The following ADAMTS16 variants were observed in gnomAD, a reference collection of about 807,000 sequenced individuals.
The protein encoded by ADAMTS16 is ADAM metallopeptidase with thrombospondin type 1 motif 16.
In ADAMTS16, 94 loss-of-function variants were observed where a neutral mutation model predicts 145.8. That is an observed-to-expected ratio of 0.64 (90% CI 0.55 to 0.77). The LOEUF (loss-of-function observed/expected upper bound fraction) is 0.77. ADAMTS16 is among the 30% of genes least tolerant of loss of function. The pLI is 0.00. For synonymous variants in ADAMTS16, 659 were observed against 604.3 expected, an observed-to-expected ratio of 1.09 and a Z score of -1.33; for missense variants, 1,585 against 1,591.5, an observed-to-expected ratio of 1.00 and a Z score of 0.07.
intron 3 of ADAMTS16, among the ~76,000 whole-genome samples, chr5:5,161,872 G>T (rs1052127714): frequency 6.6e-6 from 1 of 152,184 alleles, no homozygotes; most frequent in Non-Finnish European, 1.5e-5. Flanking sequence ...GGCTGGGGCA[G>T]GGGACAGGGA....
intron 3 of ADAMTS16, among the ~76,000 whole-genome samples, chr5:5,154,702 C>A (rs1248248769): frequency 1.3e-5 from 2 of 152,092 alleles, no homozygotes; most frequent in African/African-American, 4.8e-5. Flanking sequence ...CTCTGTCCAG[C>A]GATGTTTTCA....
intron 17 of ADAMTS16, among the ~76,000 whole-genome samples, chr5:5,247,599 G>T (rs965166356): frequency 6.6e-6 from 1 of 152,196 alleles, no homozygotes; most frequent in Non-Finnish European, 1.5e-5. Context: ...CATCAGGGGT[G>T]CCGGGGTCCC....
intron 12 of ADAMTS16, among the ~76,000 whole-genome samples, chr5:5,232,849 C>T (rs1179595844): frequency 1.3e-5 from 2 of 152,032 alleles, no homozygotes; most frequent in Non-Finnish European, 2.9e-5. Flanking sequence ...GTAATCCACC[C>T]GCCGTGACCT....
intron 11 of ADAMTS16, among the ~76,000 whole-genome samples, chr5:5,227,605 C>T (rs1736808098): frequency 6.6e-6 from 1 of 151,846 alleles, no homozygotes; most frequent in Non-Finnish European, 1.5e-5. Context: ...AGTGCTTTCT[C>T]ATCAGATTCT....
chr5:5,223,161 C>T, intron 11 of ADAMTS16: 1 of 428,882 alleles, frequency 2.3e-6, no homozygotes, highest in Non-Finnish European at 4.3e-6. Context: ...TGAGGGGAAA[C>T]ATTAAGCCAT....
At chr5:5,242,763 T>G (rs989126134) in intron 17 of ADAMTS16, among the ~76,000 whole-genome samples, 1 of 152,198 alleles carries the variant, frequency 6.6e-6, no homozygotes, top group Non-Finnish European at 1.5e-5. Flanking sequence ...CTGTAAACAA[T>G]GGAAGCTCAC....
At chr5:5,188,507 T>C (rs548158304) in intron 6 of ADAMTS16, among the ~76,000 whole-genome samples, 2 of 152,310 alleles carry the variant, frequency 1.3e-5, no homozygotes, top group South Asian at 4.1e-4. Flanking sequence ...CAAAATGTTC[T>C]CATTTCCATT....
intron 17 of ADAMTS16, among the ~76,000 whole-genome samples, chr5:5,252,043 G>A (rs1387218687): frequency 1.3e-5 from 2 of 152,208 alleles, no homozygotes; most frequent in East Asian, 1.9e-4. Flanking sequence ...TAGAGACGGG[G>A]TTTCACCGTG....
chr5:5,140,533 C>A lies in ADAMTS16; in HGVS notation c.66C>A (p.Ala22=), dbSNP rs1435028536. ...TGTGGATGCTGTTGGCGCAGGTGGC[C>A]GAGCAGGTGAGTCCCGGGCGCTCCC... ...AALWMLLAQV[A]EQAPACAMGP... The change falls in exon 1 of 23, where the codon GCC becomes GCA. Residue 22 remains alanine, a synonymous_variant. Coordinates refer to ENST00000274181, the MANE Select transcript of ADAMTS16 (RefSeq NM_139056.4). 9 of 1,511,994 alleles carry A rather than the reference C, an allele frequency of 6.0e-6. No homozygotes were observed. The highest frequency in any genetic ancestry group is 2.9e-5 in the African/African-American group (2 of 69,586). The allele number at this position is 1,511,994 out of a possible 1,614,324, so 93.7% of individuals were successfully genotyped here. A position where few individuals can be genotyped will look rare whatever the true frequency, so the allele number is the denominator to read the frequency against.
chr5:5,257,627 C>T lies in ADAMTS16; in HGVS notation c.2663-5030C>T, dbSNP rs1021116489. ...CAAATGTGCATAAAGCTGAGCTAGC[C>T]GGACATGAGCTGTTTTTATTCACAG... On this transcript the variant is annotated intron_variant, in intron 17 of 22. Transcript: ENST00000274181. Among the ~76,000 whole-genome samples the T allele has an allele frequency of 3.3e-5, 5 of 152,206 alleles. No individual in the cohort carries two copies. In the East Asian group the frequency reaches 5.8e-4, roughly 18 times the overall value.
intron 20 of ADAMTS16, among the ~76,000 whole-genome samples, chr5:5,303,995 C>G (rs77517061): frequency 0.012 from 1,779 of 152,310 alleles, 25 homozygotes; most frequent in African/African-American, 0.04. Flanking sequence ...GTCATCATCA[C>G]TGGTCCAGCG....
chr5:5,228,881 G>A (rs189124354), intron 11 of ADAMTS16, among the ~76,000 whole-genome samples: 2 of 152,326 alleles, frequency 1.3e-5, no homozygotes, highest in African/African-American at 4.8e-5. Flanking sequence ...GCTTATACTG[G>A]TCCAAGCAAG....
At chr5:5,312,500 T>C (rs1185295856) in intron 21 of ADAMTS16, among the ~76,000 whole-genome samples, 1 of 150,724 alleles carries the variant, frequency 6.6e-6, no homozygotes, top group Non-Finnish European at 1.5e-5. Context: ...CAGGCTGTAG[T>C]GCAGTGGTGC....
Position 5,286,887 on chromosome 5 carries a change from T to G in ADAMTS16, c.2790-16381T>G. On this transcript the variant is annotated intron_variant, in intron 18 of 22. Transcript: ENST00000274181. ...AAAAAAAAAAAAAAAAAAAAAAGAG[T>G]TTTTATAACCCTTTAGTATGTGCTA... Among the ~76,000 whole-genome samples the G allele has an allele frequency of 1.2e-4, 17 of 143,944 alleles. 3 individuals carry two copies. The highest frequency in any genetic ancestry group is 4.1e-4 in the East Asian group (2 of 4,920). 94.4% of individuals were successfully genotyped at this position (143,944 alleles called of 152,430 possible).
chr5:5,268,030 G>A (rs1193901563), intron 18 of ADAMTS16, among the ~76,000 whole-genome samples: 1 of 152,114 alleles, frequency 6.6e-6, no homozygotes, highest in African/African-American at 2.4e-5. Flanking sequence ...GTGTGGCCTT[G>A]GGGAAGTGGC....
intron 17 of ADAMTS16, among the ~76,000 whole-genome samples, chr5:5,247,656 G>T (rs747812432): frequency 6.6e-6 from 1 of 152,194 alleles, no homozygotes; most frequent in African/African-American, 2.4e-5. Context: ...CTCCACCTTC[G>T]CTGTGCAGGT....
chr5:5,196,081 C>G (rs746783709), intron 8 of ADAMTS16, among the ~76,000 whole-genome samples: 1 of 151,790 alleles, frequency 6.6e-6, no homozygotes, highest in Non-Finnish European at 1.5e-5. Context: ...CAAAAATTAG[C>G]CGAGTGTGGT....
chr5:5,302,465 T>C (rs1404886884), intron 18 of ADAMTS16, among the ~76,000 whole-genome samples: 1 of 151,872 alleles, frequency 6.6e-6, no homozygotes, highest in Non-Finnish European at 1.5e-5. Flanking sequence ...CACTAAAGAA[T>C]GAAAAGATAG....
intron 17 of ADAMTS16, among the ~76,000 whole-genome samples, chr5:5,253,806 G>A (rs1371553163): frequency 2.6e-5 from 4 of 152,142 alleles, no homozygotes; most frequent in African/African-American, 9.7e-5. Context: ...TCGACAGCTG[G>A]TCACTGCTCC....
Sources: allele counts gnomAD v4.1 joint callset (sites outside exome capture counted in the v4.1 genomes callset), GRCh38; gene constraint gnomAD v4.1.1; transcripts MANE v1.5; gene names NCBI Gene and HGNC (gene_info 2026-07-23, HGNC 2026-07-21).